Variants in CPE observed in about 807,000 individuals in gnomAD.
The protein encoded by CPE is carbocypeptidase E.
Under a neutral mutation model 53.5 loss-of-function variants are expected in CPE, and 17 were observed. The observed-to-expected ratio is 0.32, with a 90% confidence interval of 0.22 to 0.48. The LOEUF is 0.48. CPE is among the 20% of genes least tolerant of loss of function. The pLI is 0.99. For synonymous variants in CPE, 226 were observed against 228.8 expected (o/e 0.99, Z 0.11); for missense variants, 524 against 614.7 (o/e 0.85, Z 1.56).
intron 1 of CPE, among the ~76,000 whole-genome samples, chr4:165,394,715 A>C (rs539040665): frequency 4.6e-5 from 7 of 152,114 alleles, no homozygotes; most frequent in Non-Finnish European, 8.8e-5. Flanking sequence ...CCCCTATTAA[A>C]ATTTTTTTTT....
intron 1 of CPE, among the ~76,000 whole-genome samples, chr4:165,393,886 G>A (rs1432140133): frequency 6.6e-6 from 1 of 152,202 alleles, no homozygotes; most frequent in Non-Finnish European, 1.5e-5. Flanking sequence ...CCAGCACACT[G>A]TAAGTACCTA....
intron 5 of CPE, among the ~76,000 whole-genome samples, chr4:165,486,703 G>A (rs893486587): frequency 6.6e-5 from 10 of 152,082 alleles, no homozygotes; most frequent in Non-Finnish European, 1.0e-4. Flanking sequence ...ATGCGTATCC[G>A]ATTGCCCCCC....
intron 2 of CPE, 64 bp downstream of exon 2, chr4:165,464,650 GTTTATCT>G: frequency 1.5e-6 from 2 of 1,364,630 alleles, no homozygotes; most frequent in Non-Finnish European, 2.0e-6. Context: ...GTACATACAT[GTTTATCT>G]AAAAATTATG....
chr4:165,449,435 A>G (rs1731771890), intron 1 of CPE, among the ~76,000 whole-genome samples: 1 of 152,100 alleles, frequency 6.6e-6, no homozygotes, highest in Non-Finnish European at 1.5e-5. Flanking sequence ...GTTAATTTTC[A>G]TGACTGTCCT....
At chr4:165,403,369 A>T (rs1730899477) in intron 1 of CPE, among the ~76,000 whole-genome samples, 1 of 152,200 alleles carries the variant, frequency 6.6e-6, no homozygotes, top group Admixed American at 6.5e-5. Context: ...ATGTTCCAGA[A>T]AACAGTTTAT....
intron 1 of CPE, chr4:165,403,964 C>T: frequency 1.7e-6 from 1 of 603,000 alleles, no homozygotes; most frequent in Non-Finnish European, 3.1e-6. Context: ...AGTTTGTCTT[C>T]CTTCTCGTTA....
At chr4:165,461,113 G>A (rs1731990763) in intron 1 of CPE, among the ~76,000 whole-genome samples, 1 of 139,774 alleles carries the variant, frequency 7.2e-6, no homozygotes, top group Non-Finnish European at 1.5e-5. Flanking sequence ...GCTGCAGTGA[G>A]CCATGATTGT....
rs1731137302 is a variant in CPE at position 165,417,077 on chromosome 4, G to T, written c.307+37549G>T. Among the ~76,000 whole-genome samples, 3 of 152,206 alleles carry T rather than the reference G, an allele frequency of 2.0e-5. No individual in the cohort carries two copies. In the South Asian group the frequency reaches 6.2e-4, roughly 32 times the overall value. On this transcript the variant is annotated intron_variant, in intron 1 of 8. Coordinates refer to ENST00000402744, the MANE Select transcript of CPE (RefSeq NM_001873.4). The stretch of plus-strand genomic sequence containing the variant: ...AGATGCAAATAAACCACTGGGCTTA[G>T]GGGACAGAAAGAAAGAGCCATTTTC...
chr4:165,389,571 AG>A (rs1288689009), intron 1 of CPE, among the ~76,000 whole-genome samples: 3 of 152,204 alleles, frequency 2.0e-5, no homozygotes, highest in Non-Finnish European at 4.4e-5. Flanking sequence ...CATGGCTTCA[AG>A]TATTGGTTGT....
At chr4:165,492,680 G>A (rs1560898361) in intron 6 of CPE, among the ~76,000 whole-genome samples, 1 of 152,102 alleles carries the variant, frequency 6.6e-6, no homozygotes, top group Admixed American at 6.6e-5. Flanking sequence ...TAATTAGAAC[G>A]GAACAGAACA....
At chr4:165,410,654 T>C (rs1356873300) in intron 1 of CPE, among the ~76,000 whole-genome samples, 3 of 152,216 alleles carry the variant, frequency 2.0e-5, no homozygotes, top group Non-Finnish European at 4.4e-5. Flanking sequence ...TTTACATTTG[T>C]TCCTTTCCTC....
At chr4:165,491,129 T>C (rs1191309405) in intron 6 of CPE, among the ~76,000 whole-genome samples, 1 of 152,208 alleles carries the variant, frequency 6.6e-6, no homozygotes, top group African/African-American at 2.4e-5. Flanking sequence ...TTTAACTATT[T>C]GTTAAACTGC....
rs534480226 is a variant in CPE at position 165,450,335 on chromosome 4, C to T, written c.308-14055C>T. ...TGCGATTTTGTCTTTCATTTCATTACTCTTCTTCATTGGGAAGAAAAAATC... is the reference window on the plus strand; with the variant it reads ...TGCGATTTTGTCTTTCATTTCATTATTCTTCTTCATTGGGAAGAAAAAATC... On this transcript the variant is annotated intron_variant, in intron 1 of 8. Transcript: ENST00000402744. Among the ~76,000 whole-genome samples, 13 of 152,224 alleles carry T rather than the reference C, an allele frequency of 8.5e-5. No individual in the cohort carries two copies. In the South Asian group the frequency reaches 2.7e-3, roughly 32 times the overall value.
At chr4:165,406,591 T>A (rs1045421381) in intron 1 of CPE, among the ~76,000 whole-genome samples, 9 of 152,200 alleles carry the variant, frequency 5.9e-5, no homozygotes, top group Admixed American at 5.9e-4. Flanking sequence ...GTTGCAGCTT[T>A]ATTGAGATAG....
chr4:165,387,077 A>C (rs1173076471), intron 1 of CPE, among the ~76,000 whole-genome samples: 3 of 152,140 alleles, frequency 2.0e-5, no homozygotes, highest in Non-Finnish European at 2.9e-5. Context: ...TCTTTCTTTG[A>C]ACATTCAGGA....
At chr4:165,450,171 A>G (rs1731784349) in intron 1 of CPE, among the ~76,000 whole-genome samples, 1 of 152,208 alleles carries the variant, frequency 6.6e-6, no homozygotes, top group Non-Finnish European at 1.5e-5. Flanking sequence ...GAGTGTTTGT[A>G]GAATATTTAA....
chr4:165,394,594 A>G (rs375831117), intron 1 of CPE, among the ~76,000 whole-genome samples: 16 of 151,978 alleles, frequency 1.1e-4, no homozygotes, highest in African/African-American at 3.9e-4. Context: ...AAAAAAACAT[A>G]CTCGTGTTGA....
chr4:165,493,830 T>G (rs1732654150), intron 7 of CPE, among the ~76,000 whole-genome samples: 1 of 152,210 alleles, frequency 6.6e-6, no homozygotes, highest in African/African-American at 2.4e-5. Context: ...TTGAGCTCCA[T>G]TTCCATTTCC....
chr4:165,477,241 T>C (rs771059663), intron 3 of CPE, among the ~76,000 whole-genome samples: 3 of 152,220 alleles, frequency 2.0e-5, no homozygotes, highest in African/African-American at 7.2e-5. Flanking sequence ...ATTTCTAGCT[T>C]AGGCAATACT....
Sources: allele counts gnomAD v4.1 joint callset (sites outside exome capture counted in the v4.1 genomes callset), GRCh38; gene constraint gnomAD v4.1.1; transcripts MANE v1.5; gene names NCBI Gene and HGNC (gene_info 2026-07-23, HGNC 2026-07-21).